Variants in GRID2 observed in about 807,000 individuals in gnomAD.
The protein encoded by GRID2 is glutamate receptor ionotropic, delta-2.
In GRID2, 33 loss-of-function variants were observed where a neutral mutation model predicts 114.8. The ratio of observed to expected loss-of-function variants is 0.29; its 90% CI spans 0.22 to 0.38. The LOEUF (loss-of-function observed/expected upper bound fraction) is 0.38, where lower values mean the gene tolerates loss of function less well. GRID2 is among the 10% of genes least tolerant of loss of function. GRID2 has a pLI of 1.00. For synonymous variants in GRID2, 505 were observed against 449.9 expected (o/e 1.12, Z -1.55); for missense variants, 1,184 against 1,257.7 (o/e 0.94, Z 0.89).
At chr4:92,983,560 A>G (rs1241354082) in intron 2 of GRID2, among the ~76,000 whole-genome samples, 2 of 151,660 alleles carry the variant, frequency 1.3e-5, no homozygotes, top group Admixed American at 6.6e-5. Flanking sequence ...TCTTTTATAA[A>G]CATATAGTAT....
intron 9 of GRID2, among the ~76,000 whole-genome samples, chr4:93,421,134 T>C (rs1033495214): frequency 6.6e-6 from 1 of 152,174 alleles, no homozygotes; most frequent in Non-Finnish European, 1.5e-5. Flanking sequence ...CTGCTGTGTG[T>C]AGTCTCAGAT....
intron 2 of GRID2, among the ~76,000 whole-genome samples, chr4:92,747,427 T>A (rs1473768350): frequency 6.6e-6 from 1 of 152,082 alleles, no homozygotes; most frequent in Non-Finnish European, 1.5e-5. Flanking sequence ...ATTTCAGAAG[T>A]AAAAGTAAAA....
chr4:92,549,182 G>C (rs1439925155), intron 1 of GRID2, among the ~76,000 whole-genome samples: 1 of 150,650 alleles, frequency 6.6e-6, no homozygotes, highest in Non-Finnish European at 1.5e-5. Context: ...GCTTTAATGA[G>C]AAAATGCCAC....
intron 1 of GRID2, among the ~76,000 whole-genome samples, chr4:92,520,544 A>C (rs564874335): frequency 5.9e-5 from 9 of 151,922 alleles, no homozygotes; most frequent in African/African-American, 2.2e-4. Context: ...GGAGTGACCT[A>C]AGCCCTGCCT....
Position 93,086,117 on chromosome 4 carries a change from T to C in GRID2, c.529+838T>C, listed in dbSNP as rs184272496. Among the ~76,000 whole-genome samples, 204 of 152,236 alleles carry C rather than the reference T, an allele frequency of 1.3e-3. 1 individual carries two copies. Among genetic ancestry groups the C allele is most frequent in the African/African-American group, 4.7e-3 (196 of 41,550 alleles). On this transcript the variant is annotated intron_variant, in intron 3 of 15. Coordinates refer to ENST00000282020, the MANE Select transcript of GRID2 (RefSeq NM_001510.4). The stretch of plus-strand genomic sequence containing the variant: ...ATGAGTATGATCAAATGAGGGGAAA[T>C]GAACAGATCTTGATAAAGAATGCCT...
chr4:92,832,022 A>G (rs576905532), intron 2 of GRID2, among the ~76,000 whole-genome samples: 3 of 152,332 alleles, frequency 2.0e-5, no homozygotes, highest in East Asian at 1.9e-4. Context: ...AAAGGATGTA[A>G]TAACTAGTAA....
At chr4:93,180,208 C>G (rs576754221) in intron 4 of GRID2, among the ~76,000 whole-genome samples, 1 of 151,914 alleles carries the variant, frequency 6.6e-6, no homozygotes, top group East Asian at 1.9e-4. Flanking sequence ...AGACATCACA[C>G]GATGTCTCCA....
chr4:93,393,722 G>T (rs1309186654), intron 8 of GRID2, among the ~76,000 whole-genome samples: 1 of 151,930 alleles, frequency 6.6e-6, no homozygotes, highest in Non-Finnish European at 1.5e-5. Flanking sequence ...AAATGGCTCA[G>T]GTTTCACTGT....
chr4:92,480,643 T>G (rs943204152), intron 1 of GRID2, among the ~76,000 whole-genome samples: 1 of 152,098 alleles, frequency 6.6e-6, no homozygotes, highest in Admixed American at 6.6e-5. Flanking sequence ...GTTGTTTGTC[T>G]TTTCTGCCTT....
At position 93,223,154 on chromosome 4, in the gene GRID2, C is replaced by T. The variant is rs1022271867; in HGVS notation, c.964-1460C>T. 3.9e-4 allele frequency among the ~76,000 whole-genome samples: 60 copies of T among 152,022 alleles called. 1 individual carries two copies. Among genetic ancestry groups the T allele is most frequent in the Admixed American group, 2.0e-4 (3 of 15,230 alleles). On this transcript the variant is annotated intron_variant, in intron 6 of 15. Transcript: ENST00000282020. ...TCCAACCTGAATGTTGATTCATGGA[C>T]TAGTTTTAGCTGTATAGCAGACTTC...
intron 2 of GRID2, among the ~76,000 whole-genome samples, chr4:92,749,405 C>A (rs934019318): frequency 4.6e-4 from 69 of 151,266 alleles, no homozygotes; most frequent in African/African-American, 1.6e-3. Context: ...ACCTCCGCCT[C>A]CCGGGCTCAA....
intron 1 of GRID2, among the ~76,000 whole-genome samples, chr4:92,452,849 TATATTTACCATATATA>T (rs1203910366): frequency 1.3e-5 from 2 of 148,254 alleles, no homozygotes; most frequent in African/African-American, 2.5e-5. Context: ...ACCATATATA[TATATTTACCATATATA>T]TTTTTTTACC....
At chr4:92,484,529 G>C (rs918681243) in intron 1 of GRID2, among the ~76,000 whole-genome samples, 1 of 152,058 alleles carries the variant, frequency 6.6e-6, no homozygotes, top group African/African-American at 2.4e-5. Context: ...GATTCTAAAT[G>C]ATGATGGTTT....
chr4:93,093,214 C>G (rs1352201162), intron 3 of GRID2, among the ~76,000 whole-genome samples: 1 of 151,982 alleles, frequency 6.6e-6, no homozygotes, highest in Non-Finnish European at 1.5e-5. Flanking sequence ...ATAGGAATGT[C>G]AGGTCATTCA....
chr4:93,335,377 G>A (rs1293196888), intron 8 of GRID2, among the ~76,000 whole-genome samples: 1 of 152,116 alleles, frequency 6.6e-6, no homozygotes, highest in Non-Finnish European at 1.5e-5. Flanking sequence ...TTAAACACCT[G>A]TCTAGGCACC....
intron 14 of GRID2, among the ~76,000 whole-genome samples, chr4:93,684,582 C>G (rs1725903679): frequency 6.6e-6 from 1 of 151,868 alleles, no homozygotes; most frequent in Non-Finnish European, 1.5e-5. Flanking sequence ...GACAGGTGGG[C>G]AAGAAGGCAT....
At chr4:92,889,804 G>A (rs2149467784) in intron 2 of GRID2, among the ~76,000 whole-genome samples, 1 of 152,222 alleles carries the variant, frequency 6.6e-6, no homozygotes, top group South Asian at 2.1e-4. Flanking sequence ...AGCCCATATA[G>A]CCAAGACAAT....
rs1192369934 is a variant in GRID2, at chr4:93,216,816, G to A, written c.868G>A (p.Val290Ile). The A allele has an allele frequency of 6.2e-7, 1 of 1,612,584 alleles. No individual in the cohort carries two copies. Among genetic ancestry groups the A allele is most frequent in the Non-Finnish European group, 8.5e-7 (1 of 1,178,702 alleles). The change falls in exon 6 of 16, where the codon GTT becomes ATT. Residue 290 changes from valine to isoleucine, a missense_variant. Val to Ile is a conservative substitution (Grantham distance 29). Transcript: ENST00000282020. ...RLTIIRQTFPVPQNISQRCFR... is the reference protein window; with the variant it reads ...RLTIIRQTFPIPQNISQRCFR... ...AACGATTATTCGGCAGACATTTCCA[G>A]TTCCCCAGAACATAAGTCAGCGGTG...
intron 2 of GRID2, among the ~76,000 whole-genome samples, chr4:93,019,802 G>C (rs1208427373): frequency 6.6e-6 from 1 of 152,086 alleles, no homozygotes; most frequent in Non-Finnish European, 1.5e-5. Context: ...CGTTTTAAGA[G>C]AGATATTAAA....
Sources: gnomAD v4.1 joint callset for allele counts (sites outside exome capture counted in the v4.1 genomes callset) on GRCh38, gnomAD v4.1.1 for gene constraint, MANE v1.5 for transcripts, NCBI Gene and HGNC (gene_info 2026-07-23, HGNC 2026-07-21) for gene names.